PPP1R9A: variants seen among roughly 807,000 people sequenced by gnomAD.
PPP1R9A encodes protein phosphatase 1 regulatory subunit 9A, also known as neurabin-1.
PPP1R9A carries 59 observed loss-of-function variants against 141.9 expected under a neutral mutation model. The observed-to-expected ratio is 0.42, with a 90% CI of 0.34 to 0.52. PPP1R9A has a LOEUF of 0.52. Among genes scored for constraint, PPP1R9A ranks in the 20% least tolerant of loss-of-function variants. The probability of loss-of-function intolerance (pLI) is 0.10; values close to 1 mark genes in which losing one functional copy is unlikely to be tolerated. For missense variants in PPP1R9A, 1,444 were observed against 1,611.9 expected (o/e 0.90, Z 1.78); for synonymous variants, 500 against 569.7 (o/e 0.88, Z 1.74).
At chr7:95,135,261 T>G (rs1825441829) in intron 4 of PPP1R9A, among the ~76,000 whole-genome samples, 1 of 152,226 alleles carries the variant, frequency 6.6e-6, no homozygotes, top group African/African-American at 2.4e-5. Flanking sequence ...TTATTTAAAT[T>G]TGTATCCCAG....
intron 12 of PPP1R9A, among the ~76,000 whole-genome samples, chr7:95,264,770 T>G (rs1801000402): frequency 6.6e-6 from 1 of 152,130 alleles, no homozygotes; most frequent in Non-Finnish European, 1.5e-5. Context: ...GTAGGCTATT[T>G]CAGAGACTGG....
chr7:95,264,778 T>C (rs138769414), intron 12 of PPP1R9A, among the ~76,000 whole-genome samples: 1 of 152,250 alleles, frequency 6.6e-6, no homozygotes, highest in East Asian at 1.9e-4. Context: ...TTTCAGAGAC[T>C]GGAGGGTCTG....
chr7:95,022,717 T>A (rs1286157659), intron 2 of PPP1R9A, among the ~76,000 whole-genome samples: 1 of 152,188 alleles, frequency 6.6e-6, no homozygotes, highest in Admixed American at 6.5e-5. Flanking sequence ...GAAGGCCTTT[T>A]CTGCATCTAT....
intron 2 of PPP1R9A, among the ~76,000 whole-genome samples, chr7:95,073,925 C>G (rs1814414895): frequency 6.6e-6 from 1 of 151,332 alleles, no homozygotes; most frequent in African/African-American, 2.5e-5. Context: ...CATGTTCACA[C>G]TCACACACGC....
chr7:95,282,300 C>G (rs1028603463), intron 16 of PPP1R9A, among the ~76,000 whole-genome samples: 5 of 152,130 alleles, frequency 3.3e-5, no homozygotes, highest in African/African-American at 9.7e-5. Context: ...CCACTGCACT[C>G]TAGCCTGGGT....
chr7:95,246,005 G>A (rs1055687635), intron 8 of PPP1R9A, among the ~76,000 whole-genome samples: 4 of 152,156 alleles, frequency 2.6e-5, no homozygotes, highest in Non-Finnish European at 5.9e-5. Context: ...ACCAAGAGCA[G>A]TAACAAGAGC....
At chr7:94,982,470 A>G (rs539763095) in intron 2 of PPP1R9A, among the ~76,000 whole-genome samples, 13 of 152,220 alleles carry the variant, frequency 8.5e-5, no homozygotes, top group African/African-American at 2.2e-4. Context: ...ATTTCTCCAC[A>G]TCCTCTCCAG....
intron 7 of PPP1R9A, among the ~76,000 whole-genome samples, chr7:95,205,533 T>C (rs1790599430): frequency 6.6e-6 from 1 of 152,198 alleles, no homozygotes; most frequent in Non-Finnish European, 1.5e-5. Context: ...CAAAACATTC[T>C]AAAATGCTAA....
At chr7:94,984,338 T>G (rs182768242) in intron 2 of PPP1R9A, among the ~76,000 whole-genome samples, 2 of 152,242 alleles carry the variant, frequency 1.3e-5, no homozygotes, top group African/African-American at 4.8e-5. Context: ...GGGTGATGTT[T>G]GCCTCATAAA....
intron 2 of PPP1R9A, among the ~76,000 whole-genome samples, chr7:94,964,556 A>G (rs1797996219): frequency 6.6e-6 from 1 of 151,732 alleles, no homozygotes; most frequent in African/African-American, 2.4e-5. Context: ...TCATTGTTCA[A>G]CTCCAAATTA....
chr7:95,164,748 T>C lies in PPP1R9A; in HGVS notation c.1754+2777T>C, dbSNP rs868365693. ...TTTTTTTTCTTTTCTTTTCTTTTTT[T>C]TTTTTTTTTTTTTCAGGCATGGCCT... On this transcript the variant is annotated intron_variant, in intron 5 of 19. Coordinates refer to ENST00000433360, the MANE Select transcript of PPP1R9A (RefSeq NM_001166160.2). Among the ~76,000 whole-genome samples the C allele has an allele frequency of 6.6e-3, 962 of 146,524 alleles. 6 individuals carry two copies. Among genetic ancestry groups the C allele is most frequent in the African/African-American group, 0.023 (895 of 39,386 alleles).
At chr7:94,972,603 G>T (rs1392661317) in intron 2 of PPP1R9A, among the ~76,000 whole-genome samples, 1 of 152,146 alleles carries the variant, frequency 6.6e-6, no homozygotes, top group East Asian at 1.9e-4. Context: ...CAGTGACTAG[G>T]ATACTAACTT....
chr7:95,270,453 A>G (rs1352907723), intron 14 of PPP1R9A, among the ~76,000 whole-genome samples: 1 of 152,162 alleles, frequency 6.6e-6, no homozygotes, highest in Non-Finnish European at 1.5e-5. Flanking sequence ...CCACATTTAC[A>G]AATCATTTTT....
At chr7:94,953,094 T>G (rs1796661625) in intron 2 of PPP1R9A, among the ~76,000 whole-genome samples, 1 of 152,264 alleles carries the variant, frequency 6.6e-6, no homozygotes, top group South Asian at 2.1e-4. Context: ...GGTTTAGGTC[T>G]TACATTTAAG....
intron 7 of PPP1R9A, among the ~76,000 whole-genome samples, chr7:95,213,885 T>G (rs1792691441): frequency 6.6e-6 from 1 of 152,168 alleles, no homozygotes; most frequent in Non-Finnish European, 1.5e-5. Flanking sequence ...CTTAGCCAGA[T>G]CACCCTGTTC....
chr7:95,122,584 G>A (rs1822844286), intron 4 of PPP1R9A, among the ~76,000 whole-genome samples: 4 of 152,132 alleles, frequency 2.6e-5, no homozygotes, highest in African/African-American at 7.2e-5. Context: ...CATCTTAGTT[G>A]GTAGCCTTGT....
chr7:95,006,303 C>T (rs181509224), intron 2 of PPP1R9A, among the ~76,000 whole-genome samples: 306 of 151,936 alleles, frequency 2.0e-3, no homozygotes, highest in African/African-American at 7.2e-3. Flanking sequence ...CTATAACCTC[C>T]GCCTCCCAGG....
intron 2 of PPP1R9A, among the ~76,000 whole-genome samples, chr7:95,062,389 G>A (rs1812353426): frequency 2.6e-5 from 4 of 151,644 alleles, no homozygotes; most frequent in Admixed American, 2.6e-4. Context: ...TCCTTCAAGT[G>A]GAAGTAGTTC....
At chr7:95,000,919 A>G (rs947479980) in intron 2 of PPP1R9A, among the ~76,000 whole-genome samples, 5 of 152,176 alleles carry the variant, frequency 3.3e-5, no homozygotes, top group East Asian at 1.9e-4. Flanking sequence ...AAATCACTGT[A>G]TTTAGTGGGA....
Sources: allele counts gnomAD v4.1 joint callset (sites outside exome capture counted in the v4.1 genomes callset), GRCh38; gene constraint gnomAD v4.1.1; transcripts MANE v1.5; gene names NCBI Gene and HGNC (gene_info 2026-07-23, HGNC 2026-07-21).